P4HA1: variants seen among roughly 807,000 people sequenced by gnomAD.
P4HA1 encodes the protein prolyl 4-hydroxylase subunit alpha-1.
P4HA1 carries 24 observed loss-of-function variants against 72.8 expected under a neutral mutation model. The observed-to-expected ratio is 0.33, with a 90% CI of 0.24 to 0.46. The LOEUF (loss-of-function observed/expected upper bound fraction) is 0.46, where lower values mean the gene tolerates loss of function less well. P4HA1 is among the 20% of genes least tolerant of loss of function. The pLI is 1.00. For synonymous variants in P4HA1, 201 were observed against 218.8 expected, an observed-to-expected ratio of 0.92 and a Z score of 0.72; for missense variants, 446 against 640.6, an observed-to-expected ratio of 0.70 and a Z score of 3.28.
In P4HA1 at chr10:73,047,039, A is replaced by C. The variant is rs772706760; in HGVS notation, c.963T>G (p.Phe321Leu). ...CCTCCTGTTTAGCTGGAGCCAGAAT[A>C]AATTTAGGATTACGGTTTCCATCAT... ...RYHDGNRNPK[F>L]ILAPAKQEDE... The change falls in exon 8 of 15, where the codon TTT becomes TTG. Residue 321 changes from phenylalanine (F) to leucine (L), a missense_variant. By Grantham distance (22) the Phe-to-Leu change is conservative. Transcript: ENST00000394890. 1 of 1,613,734 alleles carries C rather than the reference A, an allele frequency of 6.2e-7. No homozygotes were observed. The highest frequency in any genetic ancestry group is 2.2e-5 in the East Asian group (1 of 44,836).
At chr10:73,059,424 TAAA>T (rs920360586) in intron 5 of P4HA1, among the ~76,000 whole-genome samples, 1 of 24,176 alleles carries the variant, frequency 4.1e-5, no homozygotes, top group Non-Finnish European at 1.0e-4. Flanking sequence ...ACAATATATT[TAAA>T]AAAAAAAAAA....
chr10:73,085,524 C>T (rs1472404998), intron 1 of P4HA1, among the ~76,000 whole-genome samples: 1 of 152,098 alleles, frequency 6.6e-6, no homozygotes, highest in Non-Finnish European at 1.5e-5. Flanking sequence ...GCTGGGATTA[C>T]AGCCATGTGC....
intron 1 of P4HA1, among the ~76,000 whole-genome samples, chr10:73,095,834 T>A (rs1022872336): frequency 2.6e-5 from 4 of 152,224 alleles, no homozygotes; most frequent in African/African-American, 9.6e-5. Context: ...AACATTGAAT[T>A]TGTATGTAAC....
At chr10:73,060,799 G>A (rs1459540617) in intron 5 of P4HA1, among the ~76,000 whole-genome samples, 5 of 151,384 alleles carry the variant, frequency 3.3e-5, no homozygotes, top group Non-Finnish European at 7.4e-5. Flanking sequence ...TACTGAATAG[G>A]CTGAAATACA....
intron 10 of P4HA1, among the ~76,000 whole-genome samples, chr10:73,023,407 A>G (rs1382385829): frequency 6.6e-6 from 1 of 152,172 alleles, no homozygotes; most frequent in Non-Finnish European, 1.5e-5. Flanking sequence ...AGCTTTCTAA[A>G]TAAAGGAGAA....
At chr10:73,056,784 G>A (rs1010537843) in intron 5 of P4HA1, among the ~76,000 whole-genome samples, 3 of 152,142 alleles carry the variant, frequency 2.0e-5, no homozygotes, top group Admixed American at 2.0e-4. Flanking sequence ...GATTAAGGCC[G>A]AGTGCGTGGC....
chr10:73,055,439 C>T (rs1254508456), intron 5 of P4HA1, among the ~76,000 whole-genome samples: 2 of 152,140 alleles, frequency 1.3e-5, no homozygotes, highest in African/African-American at 2.4e-5. Context: ...CCTGACCTCA[C>T]GTGATCCACC....
At chr10:73,071,008 C>G (rs1383140470) in intron 4 of P4HA1, among the ~76,000 whole-genome samples, 1 of 151,920 alleles carries the variant, frequency 6.6e-6, no homozygotes, top group Non-Finnish European at 1.5e-5. Flanking sequence ...ATAGCAAGAC[C>G]TTGTTTCTAA....
chr10:73,040,663 G>A (rs1840710295), intron 9 of P4HA1, among the ~76,000 whole-genome samples: 1 of 151,726 alleles, frequency 6.6e-6, no homozygotes, highest in South Asian at 2.1e-4. Context: ...TAGTAGAGAT[G>A]GGGTTTTACC....
intron 10 of P4HA1, among the ~76,000 whole-genome samples, chr10:73,019,730 GAAAA>G (rs3066045): frequency 3.1e-5 from 2 of 65,232 alleles, no homozygotes; most frequent in African/African-American, 1.7e-4. Context: ...CTCTGTCTCA[GAAAA>G]AAAAAAAAAA....
chr10:73,052,073 A>T (rs886162052), intron 6 of P4HA1, among the ~76,000 whole-genome samples: 1 of 152,174 alleles, frequency 6.6e-6, no homozygotes, highest in Non-Finnish European at 1.5e-5. Context: ...GGAAAAGGGA[A>T]ACTAAAGATA....
chr10:73,044,132 C>T (rs1459776134), intron 9 of P4HA1, among the ~76,000 whole-genome samples: 2 of 152,162 alleles, frequency 1.3e-5, no homozygotes, highest in Non-Finnish European at 2.9e-5. Flanking sequence ...AGAACAGCCA[C>T]TTCCAAATCA....
chr10:73,089,285 A>C (rs1564639367), intron 1 of P4HA1, among the ~76,000 whole-genome samples: 1 of 152,216 alleles, frequency 6.6e-6, no homozygotes, highest in Non-Finnish European at 1.5e-5. Flanking sequence ...ACTGTTGTAT[A>C]TTGACCTTCT....
intron 5 of P4HA1, among the ~76,000 whole-genome samples, chr10:73,055,874 G>C (rs564723165): frequency 5.3e-5 from 8 of 152,296 alleles, no homozygotes; most frequent in African/African-American, 1.7e-4. Context: ...TCTTATTACA[G>C]ATGAGGAACT....
In P4HA1 at chr10:73,030,511, T is replaced by C. The variant is rs1203199120; in HGVS notation, c.1149-141A>G. 4 of 420,250 alleles carry C rather than the reference T, an allele frequency of 9.5e-6. No homozygotes were observed. The Admixed American group carries it at 1.6e-4, about 17-fold the overall frequency. 26.0% of individuals were successfully genotyped at this position (420,250 alleles called of 1,614,324 possible). On this transcript the variant is annotated intron_variant, in intron 9 of 14. Transcript: ENST00000394890. ...GCATTTAGTTCATTTTCTTGCTTAGTATCATCTTTATTAATGGATATTGTA... is the reference window on the plus strand; with the variant it reads ...GCATTTAGTTCATTTTCTTGCTTAGCATCATCTTTATTAATGGATATTGTA...
In P4HA1 at chr10:73,046,975, T is replaced by C. The variant is rs201429268; in HGVS notation, c.1027A>G (p.Ile343Val). 2.5e-6 allele frequency: 4 copies of C among 1,613,134 alleles called. No individual in the cohort carries two copies. Among genetic ancestry groups the C allele is most frequent in the Non-Finnish European group, 2.5e-6 (3 of 1,179,280 alleles). The change falls in exon 8 of 15, where the codon ATT becomes GTT. Residue 343 changes from isoleucine (I) to valine (V), a missense_variant. Physicochemically the swap from Ile to Val is conservative, Grantham distance 29. Transcript: ENST00000394890. Reference protein sequence around the residue: ...DKPRIIRFHDIISDAEIEIVK... With the variant: ...DKPRIIRFHDVISDAEIEIVK... ...ATTTCAATTTCTGCATCAGAAATAA[T>C]ATCATGGAAGCGAATAATACGAGGC...
chr10:73,010,882 G>T, intron 13 of P4HA1, 87 bp downstream of exon 13: 1 of 935,368 alleles, frequency 1.1e-6, no homozygotes, highest in Non-Finnish European at 1.7e-6. Flanking sequence ...AAAAAAAAAT[G>T]TAATTCATTA....
intron 1 of P4HA1, among the ~76,000 whole-genome samples, chr10:73,087,265 TTTA>T (rs1418258499): frequency 5.4e-5 from 8 of 147,688 alleles, no homozygotes. Flanking sequence ...GTTTAATGCC[TTTA>T]TTTTTTTTTT....
rs7072016 is a variant in P4HA1, at chr10:73,089,491, A to G, written c.-33+7275T>C. Among the ~76,000 whole-genome samples, 979 of 152,292 alleles carry G rather than the reference A, an allele frequency of 6.4e-3. 9 individuals carry two copies. The highest frequency in any genetic ancestry group is 0.01 in the Middle Eastern group (3 of 294). On this transcript the variant is annotated intron_variant, in intron 1 of 14. Transcript: ENST00000394890. ...GCATTAATATAAGAGAAAAGAAAGC[A>G]TATCTCTCTCCAACAACTTGTACAT... is the stretch of plus-strand genomic sequence containing the variant.
Sources: allele counts gnomAD v4.1 joint callset (sites outside exome capture counted in the v4.1 genomes callset), GRCh38; gene constraint gnomAD v4.1.1; transcripts MANE v1.5; gene names NCBI Gene and HGNC (gene_info 2026-07-23, HGNC 2026-07-21).